Variants in FHIP2A observed in about 807,000 individuals in gnomAD.
FHIP2A encodes family with sequence similarity 160 member B1.
A neutral mutation model predicts 93.5 loss-of-function variants in FHIP2A; 46 were observed. That is an observed-to-expected ratio of 0.49 (90% confidence interval 0.39 to 0.63). The LOEUF (loss-of-function observed/expected upper bound fraction) is 0.63. FHIP2A is among the 20% of genes least tolerant of loss of function. FHIP2A has a pLI of 0.00. For missense variants in FHIP2A, 769 were observed against 909.7 expected, an observed-to-expected ratio of 0.85 and a Z score of 1.99; for synonymous variants, 332 against 326.5, an observed-to-expected ratio of 1.02 and a Z score of -0.18.
chr10:114,851,578 G>A (rs7908665), intron 13 of FHIP2A, among the ~76,000 whole-genome samples: 81,680 of 151,772 alleles, frequency 0.54, 22,470 homozygotes, highest in African/African-American at 0.65. Flanking sequence ...CCCTGTCTCG[G>A]TTACTGCAGC....
intron 13 of FHIP2A, among the ~76,000 whole-genome samples, chr10:114,850,848 C>T (rs1024965792): frequency 1.1e-4 from 17 of 152,150 alleles, no homozygotes; most frequent in Admixed American, 7.2e-4. Flanking sequence ...TGGGAGTTGC[C>T]TTTTCACTTT....
At chr10:114,843,622 T>G (rs1054612875) in intron 6 of FHIP2A, 119 bp from the exon 7 acceptor site, 1 of 851,756 alleles carries the variant, frequency 1.2e-6, no homozygotes, top group African/African-American at 1.8e-5. Context: ...GCATTTAAAA[T>G]AGACAAAAAT....
At chr10:114,875,746 AAGAAAG>A (rs1386231828) in intron 16 of FHIP2A, among the ~76,000 whole-genome samples, 1 of 151,154 alleles carries the variant, frequency 6.6e-6, no homozygotes, top group East Asian at 1.9e-4. Flanking sequence ...GAAAGAAAGA[AAGAAAG>A]AGAAAGAAAG....
At chr10:114,891,020 C>T (rs541285460) in intron 16 of FHIP2A, among the ~76,000 whole-genome samples, 4 of 151,174 alleles carry the variant, frequency 2.6e-5, no homozygotes, top group South Asian at 2.1e-4. Flanking sequence ...ACTGAGACCC[C>T]GTCTCTACAA....
intron 13 of FHIP2A, among the ~76,000 whole-genome samples, chr10:114,850,664 C>A (rs2083729387): frequency 6.6e-6 from 1 of 152,268 alleles, no homozygotes; most frequent in East Asian, 1.9e-4. Flanking sequence ...GGTGACACTG[C>A]ACTCCAGCCT....
At chr10:114,871,469 C>G (rs189206500) in intron 16 of FHIP2A, among the ~76,000 whole-genome samples, 23 of 152,316 alleles carry the variant, frequency 1.5e-4, no homozygotes, top group African/African-American at 5.5e-4. Flanking sequence ...AGCCTCTTCC[C>G]TTTGTTCTGT....
chr10:114,868,557 T>TG (rs2083841835), downstream of FHIP2A, among the ~76,000 whole-genome samples: 1 of 151,640 alleles, frequency 6.6e-6, no homozygotes, highest in Non-Finnish European at 1.5e-5. Context: ...TAAAAAAAAG[T>TG]GGGGGGAATA....
rs769727735 is a variant in FHIP2A at position 114,843,752 on chromosome 10, A to C, written c.828A>C (p.Ile276=). 4 of 1,539,072 alleles carry C rather than the reference A, an allele frequency of 2.6e-6. No homozygotes were observed. In the East Asian group the frequency reaches 7.0e-5, roughly 27 times the overall value. ...TTTTTTTCCTTTAGGATGGCAGAAT[A>C]GCTGTGAAGGCATGTGAAGGCTTGA... The part of the protein sequence containing the change: ...LNLTRSPDGR[I]AVKACEGLML... The change falls in exon 7 of 17, where the codon ATA becomes ATC. Residue 276 remains isoleucine (I), a synonymous_variant. Coordinates refer to ENST00000369248, the MANE Select transcript of FHIP2A (RefSeq NM_020940.4).
chr10:114,861,215 TGCC>T lies in FHIP2A; in HGVS notation c.2089-15_2089-13del, dbSNP rs1376012839. ...GCTGATTTCAGGAACTGAAGTGCCT[TGCC>T]TCTGTGATGCAGGTTGTTGGAGACC... is the stretch of plus-strand genomic sequence containing the variant. On this transcript the variant is annotated splice_polypyrimidine_tract_variant and intron_variant, in intron 15 of 16. Coordinates refer to ENST00000369248, the MANE Select transcript of FHIP2A (RefSeq NM_020940.4). The T allele has an allele frequency of 6.2e-7, 1 of 1,613,646 alleles. No individual in the cohort carries two copies. The highest frequency in any genetic ancestry group is 1.7e-5 in the Admixed American group (1 of 59,928).
intron 5 of FHIP2A, among the ~76,000 whole-genome samples, chr10:114,841,482 A>G (rs1432098262): frequency 2.0e-5 from 3 of 151,874 alleles, no homozygotes; most frequent in Non-Finnish European, 4.4e-5. Flanking sequence ...TAGTAGAGAC[A>G]GGGTTTACCA....
Position 114,848,631 on chromosome 10 carries a change from G to A in FHIP2A, c.1713-16G>A. The A allele has an allele frequency of 2.0e-6, 3 of 1,522,934 alleles. No homozygotes were observed. Among genetic ancestry groups the A allele is most frequent in the Non-Finnish European group, 1.8e-6 (2 of 1,102,452 alleles). The allele number at this position is 1,522,934 out of a possible 1,614,324, so 94.3% of individuals were successfully genotyped here. A position where few individuals can be genotyped will look rare whatever the true frequency, so the allele number is the denominator to read the frequency against. On this transcript the variant is annotated splice_polypyrimidine_tract_variant and intron_variant, in intron 12 of 16. Transcript: ENST00000369248. ...CAAATGGACATCTTGCATAATTGTG[G>A]CCGTTTTCATTTAAGTTTTCTCTGT...
Position 114,845,429 on chromosome 10 carries a change from C to A in FHIP2A, c.1076C>A (p.Ser359Ter). ...SAFPGKRALI[S>*]FLSWFDYCDQ... ...TTTCCAGGAAAACGAGCCTTAATTT[C>A]ATTTCTTTCCTGGTTTGATTATTGT... Residue 359 changes from serine (S) to a stop codon, truncating the protein, a stop_gained, in exon 8 of 17, where the codon TCA becomes TAA. Transcript: ENST00000369248. LOFTEE classifies it high-confidence loss of function. 6.2e-7 allele frequency: 1 copy of A among 1,613,530 alleles called. No homozygotes were observed. The highest frequency in any genetic ancestry group is 8.5e-7 in the Non-Finnish European group (1 of 1,179,616).
At chr10:114,851,714 C>CAAAAAAAAAAAA (rs60649106) in intron 13 of FHIP2A, among the ~76,000 whole-genome samples, 1 of 81,942 alleles carries the variant, frequency 1.2e-5, no homozygotes, top group Non-Finnish European at 2.2e-5. Context: ...TCCATTTCTG[C>CAAAAAAAAAAAA]AAAAAAAAAA....
At chr10:114,834,500 TATAGTTTATACTA>T (rs2083625848) in intron 3 of FHIP2A, among the ~76,000 whole-genome samples, 1 of 152,210 alleles carries the variant, frequency 6.6e-6, no homozygotes, top group African/African-American at 2.4e-5. Flanking sequence ...TGCATAAGAT[TATAGTTTATACTA>T]TTTCCAGATA....
At chr10:114,834,607 A>C (rs1161022734) in intron 3 of FHIP2A, among the ~76,000 whole-genome samples, 1 of 152,220 alleles carries the variant, frequency 6.6e-6, no homozygotes, top group Non-Finnish European at 1.5e-5. Context: ...TAATTAAGGA[A>C]GTTAACCTTG....
At chr10:114,890,590 C>T (rs1413348832) in intron 16 of FHIP2A, among the ~76,000 whole-genome samples, 11 of 145,878 alleles carry the variant, frequency 7.5e-5, no homozygotes, top group African/African-American at 2.8e-4. Context: ...AAAATATACG[C>T]TATGACATAT....
downstream of FHIP2A, among the ~76,000 whole-genome samples, chr10:114,864,968 A>G (rs990020383): frequency 2.0e-5 from 3 of 151,616 alleles, no homozygotes; most frequent in Admixed American, 1.3e-4. Flanking sequence ...AAAGGAAGGA[A>G]TGTTTATGCA....
intron 13 of FHIP2A, among the ~76,000 whole-genome samples, chr10:114,850,529 T>C (rs2143012002): frequency 7.5e-6 from 1 of 133,012 alleles, no homozygotes; most frequent in East Asian, 2.0e-4. Context: ...AATCCCATTT[T>C]TACAAAAATT....
At chr10:114,869,817 T>C (rs1373300863) in intron 16 of FHIP2A, among the ~76,000 whole-genome samples, 1 of 152,206 alleles carries the variant, frequency 6.6e-6, no homozygotes, top group Non-Finnish European at 1.5e-5. Flanking sequence ...GAATTTGACA[T>C]TGAAATAAAA....
Sources: gnomAD v4.1 joint callset for allele counts (sites outside exome capture counted in the v4.1 genomes callset) on GRCh38, gnomAD v4.1.1 for gene constraint, MANE v1.5 for transcripts, NCBI Gene and HGNC (gene_info 2026-07-23, HGNC 2026-07-21) for gene names.